Variants in HS3ST2 observed in about 807,000 individuals in gnomAD.
HS3ST2 encodes heparan sulfate glucosamine 3-O-sulfotransferase 2.
Under a neutral mutation model 26.3 loss-of-function variants are expected in HS3ST2, and 17 were observed. The ratio of observed to expected loss-of-function variants is 0.65; its 90% CI spans 0.44 to 0.97. HS3ST2 has a LOEUF of 0.97. Ranked by LOEUF, HS3ST2 falls within the 50% of genes least tolerant of loss-of-function variation. HS3ST2 has a pLI of 0.00. For synonymous variants in HS3ST2, 237 were observed against 219.2 expected (o/e 1.08, Z -0.72); for missense variants, 402 against 501.2 (o/e 0.80, Z 1.89).
intron 1 of HS3ST2, among the ~76,000 whole-genome samples, chr16:22,900,923 G>A (rs1459428249): frequency 1.3e-5 from 2 of 152,186 alleles, no homozygotes; most frequent in Non-Finnish European, 2.9e-5. Context: ...CAAGAACTCT[G>A]GCTGGGAAGA....
intron 1 of HS3ST2, among the ~76,000 whole-genome samples, chr16:22,871,017 A>G (rs1399386038): frequency 6.6e-6 from 1 of 152,200 alleles, no homozygotes; most frequent in African/African-American, 2.4e-5. Flanking sequence ...CACTTTCAGT[A>G]TAGTATTCAA....
At chr16:22,865,596 T>C (rs1170034667) in intron 1 of HS3ST2, among the ~76,000 whole-genome samples, 2 of 152,116 alleles carry the variant, frequency 1.3e-5, no homozygotes, top group African/African-American at 4.8e-5. Flanking sequence ...AGAGATTTTA[T>C]ATATGAGTTC....
At chr16:22,823,999 T>C (rs1901042459) in intron 1 of HS3ST2, among the ~76,000 whole-genome samples, 1 of 152,246 alleles carries the variant, frequency 6.6e-6, no homozygotes, top group Non-Finnish European at 1.5e-5. Context: ...TTCATTATTC[T>C]TACTGGTGGA....
At chr16:22,874,804 C>T (rs1375268640) in intron 1 of HS3ST2, among the ~76,000 whole-genome samples, 2 of 152,166 alleles carry the variant, frequency 1.3e-5, no homozygotes, top group East Asian at 1.9e-4. Flanking sequence ...AGACCATTAA[C>T]CTTAAAGGGC....
intron 1 of HS3ST2, among the ~76,000 whole-genome samples, chr16:22,899,608 C>A (rs189112483): frequency 2.1e-4 from 32 of 152,214 alleles, no homozygotes; most frequent in African/African-American, 7.5e-4. Flanking sequence ...ATACCCAAGA[C>A]TGGGTAATCT....
chr16:22,840,384 CT>C lies in HS3ST2; in HGVS notation c.485+25302del, dbSNP rs879616249. Among the ~76,000 whole-genome samples the C allele has an allele frequency of 7.9e-3, 1,156 of 145,972 alleles. 11 individuals are homozygous for C. The highest frequency in any genetic ancestry group is 0.013 in the Admixed American group (190 of 14,636). On this transcript the variant is annotated intron_variant, in intron 1 of 1. Transcript: ENST00000261374. ...CAGCAGGAGTTCACAAAATAGGAAT[CT>C]TTTTTTTTTTTTCTTGAGACAGAGT...
intron 1 of HS3ST2, among the ~76,000 whole-genome samples, chr16:22,896,894 C>A (rs1411254700): frequency 6.6e-6 from 1 of 152,194 alleles, no homozygotes; most frequent in Non-Finnish European, 1.5e-5. Flanking sequence ...GCAGCCTTGA[C>A]TTCCTGGGCT....
chr16:22,909,765 G>A (rs1311368684), intron 1 of HS3ST2, among the ~76,000 whole-genome samples: 1 of 152,148 alleles, frequency 6.6e-6, no homozygotes, highest in Non-Finnish European at 1.5e-5. Flanking sequence ...GGTGGGCCGA[G>A]TGCGGAGGCT....
intron 1 of HS3ST2, among the ~76,000 whole-genome samples, chr16:22,863,814 A>AAGCTCAAT (rs1901712011): frequency 6.6e-6 from 1 of 152,174 alleles, no homozygotes; most frequent in African/African-American, 2.4e-5. Context: ...GCCGTGCAAG[A>AAGCTCAAT]AGCTCAATGG....
chr16:22,895,085 T>TGC (rs1902190339), intron 1 of HS3ST2, among the ~76,000 whole-genome samples: 1 of 149,948 alleles, frequency 6.7e-6, no homozygotes, highest in Non-Finnish European at 1.5e-5. Flanking sequence ...TTTTTTTTTT[T>TGC]TGTTGTTTGT....
intron 1 of HS3ST2, among the ~76,000 whole-genome samples, chr16:22,835,434 TACTCC>T (rs1270275208): frequency 6.6e-6 from 1 of 152,186 alleles, no homozygotes; most frequent in African/African-American, 2.4e-5. Flanking sequence ...CCAAGTATTT[TACTCC>T]ACTTTGTTTT....
intron 1 of HS3ST2, among the ~76,000 whole-genome samples, chr16:22,826,146 T>C (rs1427558921): frequency 3.9e-5 from 6 of 152,224 alleles, no homozygotes; most frequent in Admixed American, 2.0e-4. Context: ...TTAATCTCTC[T>C]TTTAAAGAGA....
chr16:22,815,955 G>C (rs535525029), intron 1 of HS3ST2, among the ~76,000 whole-genome samples: 1 of 152,206 alleles, frequency 6.6e-6, no homozygotes, highest in African/African-American at 2.4e-5. Context: ...GGCTAGCAAG[G>C]GTGCTAGGGG....
intron 1 of HS3ST2, among the ~76,000 whole-genome samples, chr16:22,838,981 A>G (rs1349465394): frequency 6.6e-6 from 1 of 152,178 alleles, no homozygotes; most frequent in Non-Finnish European, 1.5e-5. Flanking sequence ...TGCACAGCAC[A>G]AGCCAACACT....
chr16:22,915,307 C>T lies in HS3ST2; in HGVS notation c.849C>T (p.Gly283=), dbSNP rs947875343. The T allele has an allele frequency of 5.0e-6, 8 of 1,613,718 alleles. No homozygotes were observed. Among genetic ancestry groups the T allele is most frequent in the South Asian group, 3.3e-5 (3 of 91,058 alleles). Residue 283 remains glycine (G), a synonymous_variant, in exon 2 of 2, where the codon GGC becomes GGT. Transcript: ENST00000261374. ...AGCGACTCATCACTGACCCGGCCGG[C>T]GAGATGGGGCGAGTCCAGGACTTCC... is the stretch of plus-strand genomic sequence containing the variant. ...SGERLITDPA[G]EMGRVQDFLG... is the part of the protein sequence containing the mutation.
At chr16:22,877,058 A>G (rs1052974018) in intron 1 of HS3ST2, among the ~76,000 whole-genome samples, 4 of 152,224 alleles carry the variant, frequency 2.6e-5, no homozygotes, top group African/African-American at 9.6e-5. Flanking sequence ...GTGCACCAAA[A>G]TCTCAGAAAT....
intron 1 of HS3ST2, among the ~76,000 whole-genome samples, chr16:22,864,146 C>T (rs1901716313): frequency 6.6e-6 from 1 of 152,308 alleles, no homozygotes; most frequent in Non-Finnish European, 1.5e-5. Flanking sequence ...TCACCCAAAC[C>T]ACCCTGCCCT....
chr16:22,818,233 G>A (rs1415512972), intron 1 of HS3ST2, among the ~76,000 whole-genome samples: 1 of 152,204 alleles, frequency 6.6e-6, no homozygotes, highest in African/African-American at 2.4e-5. Context: ...CCAGGCTGAT[G>A]AGGGAACCAG....
At chr16:22,852,425 T>C (rs146040810) in intron 1 of HS3ST2, among the ~76,000 whole-genome samples, 116 of 152,280 alleles carry the variant, frequency 7.6e-4, no homozygotes, top group African/African-American at 2.5e-3. Context: ...TTCCTTCTGG[T>C]GAAACTTCGC....
Sources: gnomAD v4.1 joint callset for allele counts (sites outside exome capture counted in the v4.1 genomes callset) on GRCh38, gnomAD v4.1.1 for gene constraint, MANE v1.5 for transcripts, NCBI Gene and HGNC (gene_info 2026-07-23, HGNC 2026-07-21) for gene names.